SLC25A21: variants seen among roughly 807,000 people sequenced by gnomAD.
The protein encoded by SLC25A21 is mitochondrial 2-oxodicarboxylate carrier.
In SLC25A21, 47 loss-of-function variants were observed where a neutral mutation model predicts 43.8. The ratio of observed to expected loss-of-function variants is 1.07; its 90% confidence interval spans 0.85 to 1.37. The LOEUF is 1.37. SLC25A21 is among the 40% of genes most tolerant of loss of function. The pLI is 0.00. For missense variants in SLC25A21, 352 were observed against 350.2 expected, an observed-to-expected ratio of 1.00 and a Z score of -0.04; for synonymous variants, 131 against 121.3, an observed-to-expected ratio of 1.08 and a Z score of -0.52.
chr14:37,164,510 G>A (rs886065127), intron 1 of SLC25A21, among the ~76,000 whole-genome samples: 2 of 152,022 alleles, frequency 1.3e-5, no homozygotes. Context: ...CAAATCACAC[G>A]TGCATCCCCT....
chr14:36,702,999 T>C (rs2139173240), intron 7 of SLC25A21, among the ~76,000 whole-genome samples: 1 of 152,348 alleles, frequency 6.6e-6, no homozygotes, highest in East Asian at 1.9e-4. Context: ...CAGAATATTG[T>C]CACATATCCT....
rs574791118 is a variant in SLC25A21 at position 37,107,052 on chromosome 14, C to T, written c.70+65229G>A. Reference sequence around the variant, plus strand: ...TAGATATTCAAAATTCAAAGTACACCAAAATGTAATGTTCTAAGAAATTAT... The same window carrying T: ...TAGATATTCAAAATTCAAAGTACACTAAAATGTAATGTTCTAAGAAATTAT... On this transcript the variant is annotated intron_variant, in intron 1 of 9. Transcript: ENST00000331299. Among the ~76,000 whole-genome samples the T allele has an allele frequency of 1.9e-4, 29 of 152,130 alleles. No homozygotes were observed. In the South Asian group the frequency reaches 5.6e-3, roughly 29 times the overall value.
At position 36,814,299 on chromosome 14, in the gene SLC25A21, C is replaced by T. The variant is rs1282819006; in HGVS notation, c.120-298G>A. Among the ~76,000 whole-genome samples the T allele has an allele frequency of 2.6e-5, 4 of 152,306 alleles. No individual in the cohort carries two copies. The East Asian group carries it at 5.8e-4, about 22-fold the overall frequency. On this transcript the variant is annotated intron_variant, in intron 2 of 9. Coordinates refer to ENST00000331299, the MANE Select transcript of SLC25A21 (RefSeq NM_030631.4). ...TTTTTCCTTTTGTGAAGAGCATACA[C>T]AGATATCGTAGATTGTTTTAATGTA...
At chr14:36,951,039 C>A (rs1353786307) in intron 1 of SLC25A21, among the ~76,000 whole-genome samples, 1 of 152,130 alleles carries the variant, frequency 6.6e-6, no homozygotes, top group Admixed American at 6.5e-5. Flanking sequence ...TCTCTGCCCC[C>A]TAACTCTCCA....
At chr14:36,790,396 A>G (rs1049837985) in intron 3 of SLC25A21, among the ~76,000 whole-genome samples, 2 of 152,116 alleles carry the variant, frequency 1.3e-5, no homozygotes, top group Non-Finnish European at 2.9e-5. Flanking sequence ...AAGTTCTGCC[A>G]CATCTGCTCT....
intron 1 of SLC25A21, among the ~76,000 whole-genome samples, chr14:37,022,180 G>T (rs941982555): frequency 2.6e-5 from 4 of 151,576 alleles, no homozygotes; most frequent in Non-Finnish European, 4.4e-5. Context: ...AATACATCTT[G>T]TACAGCTAAT....
intron 1 of SLC25A21, among the ~76,000 whole-genome samples, chr14:37,122,567 G>A (rs1349767897): frequency 6.6e-6 from 1 of 152,138 alleles, no homozygotes; most frequent in East Asian, 1.9e-4. Flanking sequence ...TCACATGGTA[G>A]TGCTGTATAC....
At chr14:37,164,167 A>G (rs986837548) in intron 1 of SLC25A21, among the ~76,000 whole-genome samples, 1 of 152,232 alleles carries the variant, frequency 6.6e-6, no homozygotes, top group Non-Finnish European at 1.5e-5. Context: ...GTAGAGTAAA[A>G]TAAGAAATCC....
At chr14:37,009,133 G>T (rs1024399732) in intron 1 of SLC25A21, among the ~76,000 whole-genome samples, 5 of 152,112 alleles carry the variant, frequency 3.3e-5, no homozygotes, top group Admixed American at 2.0e-4. Context: ...CAGCTGCCTA[G>T]ATTCTATTCA....
intron 1 of SLC25A21, among the ~76,000 whole-genome samples, chr14:37,140,086 C>T (rs1412171411): frequency 6.6e-6 from 1 of 152,128 alleles, no homozygotes; most frequent in Non-Finnish European, 1.5e-5. Flanking sequence ...ATATTAATGT[C>T]CAGGTTTGTC....
intron 4 of SLC25A21, among the ~76,000 whole-genome samples, chr14:36,729,938 T>C (rs1884754654): frequency 6.6e-6 from 1 of 152,240 alleles, no homozygotes; most frequent in Non-Finnish European, 1.5e-5. Context: ...TATGAACTGC[T>C]TTCCCAGTGA....
At chr14:36,833,369 C>A (rs1889100804) in intron 2 of SLC25A21, among the ~76,000 whole-genome samples, 1 of 152,110 alleles carries the variant, frequency 6.6e-6, no homozygotes, top group African/African-American at 2.4e-5. Context: ...GGAAGTTCAA[C>A]CAGCACAGAA....
intron 1 of SLC25A21, among the ~76,000 whole-genome samples, chr14:37,074,725 C>T (rs758907642): frequency 1.3e-5 from 2 of 151,966 alleles, no homozygotes; most frequent in Non-Finnish European, 2.9e-5. Flanking sequence ...CCCAGCTACT[C>T]GAGAGGCTGA....
chr14:36,808,473 A>C (rs914181009), intron 3 of SLC25A21, among the ~76,000 whole-genome samples: 3 of 152,194 alleles, frequency 2.0e-5, no homozygotes, highest in African/African-American at 7.2e-5. Context: ...AGCTGCTTTA[A>C]GTCGCTGTGT....
intron 7 of SLC25A21, among the ~76,000 whole-genome samples, 165 bp downstream of exon 7, chr14:36,711,153 G>A (rs180873622): frequency 1.5e-3 from 227 of 152,236 alleles, no homozygotes; most frequent in Admixed American, 2.8e-3. Flanking sequence ...TCCACTTCTG[G>A]ATTTGAAGCA....
In SLC25A21 at chr14:37,055,561, T is replaced by A. The variant is rs117259936; in HGVS notation, c.70+116720A>T. Among the ~76,000 whole-genome samples the A allele has an allele frequency of 1.3e-4, 20 of 152,234 alleles. No individual in the cohort carries two copies. The East Asian group carries it at 3.5e-3, about 27-fold the overall frequency. On this transcript the variant is annotated intron_variant, in intron 1 of 9. Transcript: ENST00000331299. ...GCTTCAACCTGGGCCTCTTGAAACA[T>A]TCTTTCTGGTGGGCCTGAGCTGCCG... is the stretch of plus-strand genomic sequence containing the variant.
chr14:37,158,942 T>C lies in SLC25A21; in HGVS notation c.70+13339A>G, dbSNP rs573190001. Among the ~76,000 whole-genome samples, 16 of 152,242 alleles carry C rather than the reference T, an allele frequency of 1.1e-4. No individual in the cohort carries two copies. In the South Asian group the frequency reaches 2.9e-3, roughly 28 times the overall value. On this transcript the variant is annotated intron_variant, in intron 1 of 9. Coordinates refer to ENST00000331299, the MANE Select transcript of SLC25A21 (RefSeq NM_030631.4). ...AGTAGCATTTCTATACACTAATAGT[T>C]ATCTAGCCAAGAAAGAAATCAAGAA...
chr14:36,686,384 C>T (rs1256232254), intron 7 of SLC25A21, among the ~76,000 whole-genome samples: 1 of 152,026 alleles, frequency 6.6e-6, no homozygotes, highest in African/African-American at 2.4e-5. Flanking sequence ...GAGAAAAATG[C>T]CTTTATGTTA....
intron 1 of SLC25A21, among the ~76,000 whole-genome samples, chr14:37,026,151 T>G (rs1173517738): frequency 6.6e-6 from 1 of 152,200 alleles, no homozygotes; most frequent in African/African-American, 2.4e-5. Flanking sequence ...GATGCAGTTT[T>G]AGCTTCAAGT....
Sources: gnomAD v4.1 joint callset for allele counts (sites outside exome capture counted in the v4.1 genomes callset) on GRCh38, gnomAD v4.1.1 for gene constraint, MANE v1.5 for transcripts, NCBI Gene and HGNC (gene_info 2026-07-23, HGNC 2026-07-21) for gene names.